Variants in RBFOX1 observed in about 807,000 individuals in gnomAD.
RBFOX1 encodes the protein RNA binding protein fox-1 homolog 1.
A neutral mutation model predicts 57.7 loss-of-function variants in RBFOX1; 8 were observed. The ratio of observed to expected loss-of-function variants is 0.14; its 90% CI spans 0.08 to 0.25. The LOEUF (loss-of-function observed/expected upper bound fraction) is 0.25, where lower values mean the gene tolerates loss of function less well. RBFOX1 is among the 10% of genes least tolerant of loss of function. The pLI is 1.00. For missense variants in RBFOX1, 611 were observed against 548.5 expected (o/e 1.11, Z -1.14); for synonymous variants, 326 against 222.4 (o/e 1.47, Z -4.15).
intron 3 of RBFOX1, among the ~76,000 whole-genome samples, chr16:6,821,513 A>G (rs1462493327): frequency 6.6e-6 from 1 of 152,184 alleles, no homozygotes; most frequent in Non-Finnish European, 1.5e-5. Context: ...TCATTATCCC[A>G]AAAAGAAATC....
At chr16:7,189,885 A>T (rs2084949718) in intron 4 of RBFOX1, among the ~76,000 whole-genome samples, 1 of 152,204 alleles carries the variant, frequency 6.6e-6, no homozygotes, top group Non-Finnish European at 1.5e-5. Context: ...GGCCCAACTC[A>T]CATCCATAAG....
chr16:6,288,655 C>A (rs1475551406), intron 1 of RBFOX1, among the ~76,000 whole-genome samples: 2 of 152,104 alleles, frequency 1.3e-5, no homozygotes, highest in South Asian at 2.1e-4. Context: ...AGATTTAAAC[C>A]CAAGAACTCT....
chr16:7,271,790 C>T (rs532988969), intron 4 of RBFOX1, among the ~76,000 whole-genome samples: 1 of 151,808 alleles, frequency 6.6e-6, no homozygotes, highest in South Asian at 2.1e-4. Flanking sequence ...GTCTCTTAGG[C>T]TCTTATTGTA....
rs144203839 is a variant in RBFOX1 at position 7,056,274 on chromosome 16, G to A, written c.27+4176G>A. On this transcript the variant is annotated intron_variant, in intron 4 of 15. Transcript: ENST00000550418. Reference sequence around the variant, plus strand: ...ATTACTTACATCGCTCGGTTGTTACGCACACTACACAACAGGGAAACTTGT... The same window carrying A: ...ATTACTTACATCGCTCGGTTGTTACACACACTACACAACAGGGAAACTTGT... 1.5e-3 allele frequency among the ~76,000 whole-genome samples: 222 copies of A among 152,194 alleles called. 1 individual carries two copies. Among genetic ancestry groups the A allele is most frequent in the African/African-American group, 4.6e-3 (191 of 41,530 alleles).
rs1168733299 is a variant in RBFOX1 at position 7,519,828 on chromosome 16, A to G, written c.270+1439A>G. On this transcript the variant is annotated intron_variant, in intron 5 of 15. Transcript: ENST00000550418. Reference sequence around the variant, plus strand: ...CCTGTGATAAAAGAAAACACTGACTAACTTTGCTACTTGCCACCTCATTCA... The same window carrying G: ...CCTGTGATAAAAGAAAACACTGACTGACTTTGCTACTTGCCACCTCATTCA... 6.0e-6 allele frequency: 4 copies of G among 668,460 alleles called. No individual in the cohort carries two copies. In the South Asian group the frequency reaches 2.0e-4, roughly 33 times the overall value. 41.4% of individuals were successfully genotyped at this position (668,460 alleles called of 1,614,324 possible).
intron 2 of RBFOX1, among the ~76,000 whole-genome samples, chr16:6,512,964 G>C (rs547089206): frequency 6.6e-6 from 1 of 152,166 alleles, no homozygotes; most frequent in Non-Finnish European, 1.5e-5. Flanking sequence ...TATTGGGATG[G>C]AAAGGAGAAG....
intron 1 of RBFOX1, among the ~76,000 whole-genome samples, chr16:6,082,941 C>G (rs912772416): frequency 6.6e-6 from 1 of 152,144 alleles, no homozygotes; most frequent in African/African-American, 2.4e-5. Flanking sequence ...TCACTGCTCT[C>G]AAGAGGGTCG....
intron 7 of RBFOX1, among the ~76,000 whole-genome samples, chr16:7,588,160 A>G (rs1377743291): frequency 6.6e-6 from 1 of 152,204 alleles, no homozygotes; most frequent in Non-Finnish European, 1.5e-5. Context: ...GCCTCGGTGA[A>G]CAGAGCAAGA....
At chr16:6,810,326 G>A (rs144157147) in intron 3 of RBFOX1, among the ~76,000 whole-genome samples, 413 of 152,176 alleles carry the variant, frequency 2.7e-3, no homozygotes, top group African/African-American at 9.5e-3. Flanking sequence ...ACCCATGAGG[G>A]CCGTACAGGA....
At chr16:5,732,665 A>G (rs766286982) in intron 3 of RBFOX1, among the ~76,000 whole-genome samples, 86 of 152,206 alleles carry the variant, frequency 5.7e-4, no homozygotes, top group Non-Finnish European at 1.0e-3. Flanking sequence ...CCTTCTATGT[A>G]GTCTTTAGTT....
At chr16:5,484,228 C>A (rs2069647675) in intron 2 of RBFOX1, among the ~76,000 whole-genome samples, 2 of 152,210 alleles carry the variant, frequency 1.3e-5, no homozygotes, top group Admixed American at 1.3e-4. Context: ...CAAGGCCTGA[C>A]TGGGGATGAT....
At chr16:6,456,953 G>A (rs2094789065) in intron 2 of RBFOX1, among the ~76,000 whole-genome samples, 1 of 152,152 alleles carries the variant, frequency 6.6e-6, no homozygotes, top group Non-Finnish European at 1.5e-5. Context: ...TATGATGTCT[G>A]AGATGTTTGG....
At position 7,391,298 on chromosome 16, in the gene RBFOX1, T is replaced by A. The variant is rs12324999; in HGVS notation, c.28-126849T>A. Reference sequence around the variant, plus strand: ...CCCTCTAAGAGAGTTTTTGGGCATGTGCCCTGGTTTGTAAAAGAAGGGCCC... The same window carrying A: ...CCCTCTAAGAGAGTTTTTGGGCATGAGCCCTGGTTTGTAAAAGAAGGGCCC... On this transcript the variant is annotated intron_variant, in intron 4 of 15. Coordinates refer to ENST00000550418, the MANE Select transcript of RBFOX1 (RefSeq NM_018723.4). Among the ~76,000 whole-genome samples the A allele has an allele frequency of 3.1e-3, 468 of 152,306 alleles. 2 individuals carry two copies. The highest frequency in any genetic ancestry group is 0.011 in the African/African-American group (452 of 41,562).
Position 7,597,387 on chromosome 16 carries a change from C to T in RBFOX1, c.578C>T (p.Ala193Val), listed in dbSNP as rs1209725180. The change falls in exon 9 of 16, where the codon GCA becomes GTA. Residue 193 changes from alanine to valine, a missense_variant. By Grantham distance (64) the Ala-to-Val change is moderately conservative. Transcript: ENST00000550418. ...TGTACATAGGTAAATAATGCCACAGCACGTGTAATGACAAATAAAAAGACC... is the reference window on the plus strand; with the variant it reads ...TGTACATAGGTAAATAATGCCACAGTACGTGTAATGACAAATAAAAAGACC... The part of the protein sequence containing the change: ...GRKIEVNNAT[A>V]RVMTNKKTVN... The T allele has an allele frequency of 6.2e-7, 1 of 1,610,636 alleles. No homozygotes were observed. The highest frequency in any genetic ancestry group is 8.5e-7 in the Non-Finnish European group (1 of 1,178,192).
intron 1 of RBFOX1, among the ~76,000 whole-genome samples, chr16:5,422,236 G>A (rs1471868211): frequency 6.8e-6 from 1 of 146,094 alleles, no homozygotes; most frequent in Non-Finnish European, 1.5e-5. Context: ...AGAGGGAGAG[G>A]GAGGAGGAGC....
At chr16:6,774,220 T>C (rs1486246598) in intron 3 of RBFOX1, among the ~76,000 whole-genome samples, 1 of 152,118 alleles carries the variant, frequency 6.6e-6, no homozygotes. Flanking sequence ...CTCTGTCTGT[T>C]TGGTTTTGTC....
intron 4 of RBFOX1, among the ~76,000 whole-genome samples, chr16:7,083,371 G>A (rs1010982812): frequency 6.6e-6 from 1 of 152,086 alleles, no homozygotes; most frequent in East Asian, 1.9e-4. Context: ...TCAAGCAGGT[G>A]GGAGAATGAA....
chr16:6,806,267 C>T (rs1166030120), intron 3 of RBFOX1, among the ~76,000 whole-genome samples: 1 of 152,042 alleles, frequency 6.6e-6, no homozygotes, highest in Non-Finnish European at 1.5e-5. Context: ...AAGTACTTTT[C>T]CTTCCTGAAA....
At chr16:6,982,413 C>G (rs1044782305) in intron 3 of RBFOX1, among the ~76,000 whole-genome samples, 12 of 152,160 alleles carry the variant, frequency 7.9e-5, no homozygotes, top group Non-Finnish European at 1.5e-4. Flanking sequence ...GGCTCTGATC[C>G]TGGAGCATCA....
Sources: gnomAD v4.1 joint callset for allele counts (sites outside exome capture counted in the v4.1 genomes callset) on GRCh38, gnomAD v4.1.1 for gene constraint, MANE v1.5 for transcripts, NCBI Gene and HGNC (gene_info 2026-07-23, HGNC 2026-07-21) for gene names.